Variants in MRPL50 observed in about 807,000 individuals in gnomAD.
MRPL50 encodes mitochondrial ribosomal protein L50, also known as large ribosomal subunit protein mL50.
Under a neutral mutation model 16.2 loss-of-function variants are expected in MRPL50, and 10 were observed. That is an observed-to-expected ratio of 0.62 (90% CI 0.38 to 1.05). The LOEUF (loss-of-function observed/expected upper bound fraction) is 1.05. Among genes scored for constraint, MRPL50 ranks in the 50% least tolerant of loss-of-function variants. MRPL50 has a pLI of 0.01. For missense variants in MRPL50, 213 were observed against 187.1 expected, an observed-to-expected ratio of 1.14 and a Z score of -0.81; for synonymous variants, 68 against 66.8, an observed-to-expected ratio of 1.02 and a Z score of -0.09.
At chr9:101,393,990 C>CAAAAAAAAAAAA in intron 1 of MRPL50, among the ~76,000 whole-genome samples, 1 of 66,482 alleles carries the variant, frequency 1.5e-5, no homozygotes, top group Non-Finnish European at 3.2e-5. Flanking sequence ...TAATGCTAAG[C>CAAAAAAAAAAAA]AAAAAAAAAA....
intron 1 of MRPL50, among the ~76,000 whole-genome samples, chr9:101,392,628 G>A (rs1322746448): frequency 1.3e-5 from 2 of 151,910 alleles, no homozygotes; most frequent in Non-Finnish European, 2.9e-5. Flanking sequence ...TGAGAAAGAG[G>A]CTGTAATAAA....
chr9:101,393,925 GA>G (rs893768335), intron 1 of MRPL50, among the ~76,000 whole-genome samples: 2 of 66,276 alleles, frequency 3.0e-5, no homozygotes, highest in African/African-American at 1.2e-4. Context: ...CACAGAAATA[GA>G]AAAAAAAATC....
intron 1 of MRPL50, among the ~76,000 whole-genome samples, chr9:101,396,294 T>C (rs538055533): frequency 6.6e-6 from 1 of 152,294 alleles, no homozygotes; most frequent in Admixed American, 6.5e-5. Flanking sequence ...TCTAGCAATC[T>C]TACTACTCGG....
intron 1 of MRPL50, 117 bp from the exon 2 acceptor site, chr9:101,390,967 G>C: frequency 1.7e-6 from 2 of 1,152,500 alleles, no homozygotes; most frequent in Non-Finnish European, 2.4e-6. Flanking sequence ...GGGGACTACT[G>C]AGAGTAGGAA....
At chr9:101,392,503 A>G (rs1433831581) in intron 1 of MRPL50, among the ~76,000 whole-genome samples, 2 of 151,742 alleles carry the variant, frequency 1.3e-5, no homozygotes, top group African/African-American at 2.4e-5. Flanking sequence ...AGAGATTGTT[A>G]CAAGCAACTA....
At position 101,395,095 on chromosome 9, in the gene MRPL50, C is replaced by A. The variant is rs529578470; in HGVS notation, c.92+3406G>T. Reference sequence around the variant, plus strand: ...AACTCAGTAACAACAACAAAAAAAACCTGATTTAAAAATAGCAAAAGATCT... The same window carrying A: ...AACTCAGTAACAACAACAAAAAAAAACTGATTTAAAAATAGCAAAAGATCT... On this transcript the variant is annotated intron_variant, in intron 1 of 1. Coordinates refer to ENST00000374865, the MANE Select transcript of MRPL50 (RefSeq NM_019051.3). Among the ~76,000 whole-genome samples the A allele has an allele frequency of 3.9e-3, 599 of 151,936 alleles. 3 individuals are homozygous for A. Among genetic ancestry groups the A allele is most frequent in the African/African-American group, 0.014 (573 of 41,438 alleles).
intron 1 of MRPL50, among the ~76,000 whole-genome samples, chr9:101,397,289 C>A (rs1187553723): frequency 3.3e-5 from 5 of 152,030 alleles, no homozygotes; most frequent in African/African-American, 4.8e-5. Context: ...AGTGAGAACT[C>A]CTTTCTCTAA....
At position 101,390,036 on chromosome 9, in the gene MRPL50, TTA is replaced by T. The variant is rs1830248862; in HGVS notation, c.*428_*429del. ...ACTGTCAGTAATACACAACATACTT[TTA>T]TGTTTCTTTTATAGGTATCTATCTA... is the stretch of plus-strand genomic sequence containing the variant. On this transcript the variant is annotated 3_prime_UTR_variant, in exon 2 of 2. Coordinates refer to ENST00000374865, the MANE Select transcript of MRPL50 (RefSeq NM_019051.3). 5 of 943,424 alleles carry T rather than the reference TTA, an allele frequency of 5.3e-6. No individual in the cohort carries two copies. Among genetic ancestry groups the T allele is most frequent in the East Asian group, 1.1e-4 (1 of 8,704 alleles). 58.4% of individuals were successfully genotyped at this position (943,424 alleles called of 1,614,324 possible). A position where few individuals can be genotyped will look rare whatever the true frequency, so the allele number is the denominator to read the frequency against.
intron 1 of MRPL50, among the ~76,000 whole-genome samples, chr9:101,392,300 A>C (rs1830283726): frequency 6.6e-6 from 1 of 152,012 alleles, no homozygotes; most frequent in South Asian, 2.1e-4. Flanking sequence ...AAGAAATAAG[A>C]TCAGTGTAGA....
chr9:101,390,941 C>T (rs1830263404), intron 1 of MRPL50, 91 bp from the exon 2 acceptor site: 2 of 1,351,076 alleles, frequency 1.5e-6, no homozygotes, highest in Admixed American at 2.2e-5. Flanking sequence ...TCAACAATGG[C>T]ATGCTGATTA....
At chr9:101,390,916 G>C (rs1830263263) in intron 1 of MRPL50, 66 bp from the exon 2 acceptor site, 2 of 1,497,412 alleles carry the variant, frequency 1.3e-6, no homozygotes, top group Admixed American at 4.4e-5. Context: ...ACCAAATCTT[G>C]CCTACCAATC....
At chr9:101,392,273 CA>C (rs971459936) in intron 1 of MRPL50, among the ~76,000 whole-genome samples, 6 of 150,936 alleles carry the variant, frequency 4.0e-5, no homozygotes, top group Non-Finnish European at 7.4e-5. Flanking sequence ...AAACCAAATC[CA>C]AAATTAGTAG....
intron 1 of MRPL50, among the ~76,000 whole-genome samples, chr9:101,393,165 TA>T (rs1830294729): frequency 6.6e-6 from 1 of 152,094 alleles, no homozygotes; most frequent in South Asian, 2.1e-4. Flanking sequence ...CCTTTCATGA[TA>T]AAAACTCTCA....
In MRPL50 at chr9:101,395,498, G is replaced by C. The variant is rs557910408; in HGVS notation, c.92+3003C>G. 5.3e-5 allele frequency among the ~76,000 whole-genome samples: 8 copies of C among 152,170 alleles called. No individual in the cohort carries two copies. The East Asian group carries it at 1.5e-3, about 29-fold the overall frequency. ...TTACAGCACTATTCACAATAGCCAA[G>C]ATATGGAATCAAACTAAGTTTCTAC... On this transcript the variant is annotated intron_variant, in intron 1 of 1. Transcript: ENST00000374865.
chr9:101,398,380 C>T (rs890921275), intron 1 of MRPL50, 121 bp downstream of exon 1: 12 of 876,348 alleles, frequency 1.4e-5, no homozygotes, highest in Middle Eastern at 2.3e-4. Context: ...CTAACCGGAC[C>T]TCCTTGTCCT....
In MRPL50 at chr9:101,390,474, T is replaced by A; in HGVS notation, c.469A>T (p.Ser157Cys). ...TTTCTCTTCCGAATTGCTTAGTAAC[T>A]CCAAGTGATTTTCAAATTGGGGGGC... ...NLPPNLKITW[S>C]Y Residue 157 changes from serine to cysteine, a missense_variant, in exon 2 of 2, where the codon AGT becomes TGT. Transcript: ENST00000374865. The A allele has an allele frequency of 6.2e-7, 1 of 1,610,732 alleles. No individual in the cohort carries two copies. Among genetic ancestry groups the A allele is most frequent in the Non-Finnish European group, 8.5e-7 (1 of 1,178,056 alleles).
chr9:101,387,939 T>C lies in MRPL50; in HGVS notation c.*2527A>G, dbSNP rs372672122. On this transcript the variant is annotated 3_prime_UTR_variant, in exon 2 of 2. Transcript: ENST00000374865. Reference sequence around the variant, plus strand: ...CCATTATTCTGATATATTCACTGTATTGAACTATAAACCAGTGATGCCCTC... The same window carrying C: ...CCATTATTCTGATATATTCACTGTACTGAACTATAAACCAGTGATGCCCTC... 6.6e-6 allele frequency: 1 copy of C among 152,124 alleles called. No homozygotes were observed. The highest frequency in any genetic ancestry group is 1.5e-5 in the Non-Finnish European group (1 of 67,992). The allele number at this position is 152,124 out of a possible 1,614,324, so 9.4% of individuals were successfully genotyped here. A position where few individuals can be genotyped will look rare whatever the true frequency, so the allele number is the denominator to read the frequency against.
rs1403590001 is a variant in MRPL50, at chr9:101,390,568, A to C, written c.375T>G (p.Asp125Glu). 6.2e-7 allele frequency: 1 copy of C among 1,613,444 alleles called. No individual in the cohort carries two copies. Among genetic ancestry groups the C allele is most frequent in the Non-Finnish European group, 8.5e-7 (1 of 1,179,508 alleles). Residue 125 changes from aspartate to glutamate, a missense_variant, in exon 2 of 2, where the codon GAT (aspartate) becomes GAG (glutamate). By Grantham distance (45) the Asp-to-Glu change is conservative. Transcript: ENST00000374865. Reference protein sequence around the residue: ...SRLHQMCRVRDVLDFYNVPIQ... With the variant: ...SRLHQMCRVREVLDFYNVPIQ... ...TAGGGACATTATAGAAATCAAGAAC[A>C]TCTCTAACCCTGCACATCTGGTGGA...
At chr9:101,397,647 G>C (rs1041603690) in intron 1 of MRPL50, among the ~76,000 whole-genome samples, 2 of 152,130 alleles carry the variant, frequency 1.3e-5, no homozygotes, top group African/African-American at 4.8e-5. Context: ...AAACAAACTT[G>C]GAAGAGATTT....
Sources: allele counts gnomAD v4.1 joint callset (sites outside exome capture counted in the v4.1 genomes callset), GRCh38; gene constraint gnomAD v4.1.1; transcripts MANE v1.5; gene names NCBI Gene and HGNC (gene_info 2026-07-23, HGNC 2026-07-21).